The following MEI4 variants were observed in gnomAD, a reference collection of about 807,000 sequenced individuals.
MEI4 encodes the protein meiotic double-stranded break formation protein 4, also known as meiosis-specific protein MEI4.
In MEI4, 27 loss-of-function variants were observed where a neutral mutation model predicts 31.4. The ratio of observed to expected loss-of-function variants is 0.86; its 90% CI spans 0.63 to 1.19. The LOEUF is 1.19. MEI4 is among the 50% of genes most tolerant of loss of function. The pLI, the probability that MEI4 is intolerant of heterozygous loss-of-function variation, is 0.00. For missense variants in MEI4, 329 were observed against 398.9 expected (o/e 0.82, Z 1.49); for synonymous variants, 122 against 145.4 (o/e 0.84, Z 1.16).
intron 3 of MEI4, among the ~76,000 whole-genome samples, chr6:77,816,442 AACTTT>A (rs1769691693): frequency 6.6e-6 from 1 of 152,096 alleles, no homozygotes; most frequent in Non-Finnish European, 1.5e-5. Flanking sequence ...GTCATGTTGA[AACTTT>A]ACTTTTATTT....
intron 3 of MEI4, among the ~76,000 whole-genome samples, chr6:77,791,231 C>A (rs572308148): frequency 6.6e-6 from 1 of 152,086 alleles, no homozygotes; most frequent in Admixed American, 6.6e-5. Flanking sequence ...CACATGCACA[C>A]GTATGTTTAT....
intron 3 of MEI4, among the ~76,000 whole-genome samples, chr6:77,799,369 G>A (rs1388778569): frequency 6.6e-6 from 1 of 152,098 alleles, no homozygotes; most frequent in Non-Finnish European, 1.5e-5. Context: ...ATTTGTTTGA[G>A]TTCATTGTAG....
chr6:77,811,802 A>T (rs571938406), intron 3 of MEI4, among the ~76,000 whole-genome samples: 5 of 151,918 alleles, frequency 3.3e-5, no homozygotes, highest in African/African-American at 4.8e-5. Context: ...GATACTTTTG[A>T]TACATATTAA....
At chr6:77,897,035 C>T (rs80096703) in intron 4 of MEI4, among the ~76,000 whole-genome samples, 1 of 151,976 alleles carries the variant, frequency 6.6e-6, no homozygotes, top group African/African-American at 2.4e-5. Context: ...CTCCCAGCAT[C>T]CCAATAGAGG....
intron 3 of MEI4, among the ~76,000 whole-genome samples, chr6:77,766,743 T>C (rs533454869): frequency 1.3e-5 from 2 of 152,186 alleles, no homozygotes; most frequent in South Asian, 4.1e-4. Context: ...CGAAATCAGT[T>C]TTGTTTTTTT....
intron 4 of MEI4, among the ~76,000 whole-genome samples, chr6:77,880,859 A>T (rs1482474630): frequency 1.3e-5 from 2 of 152,110 alleles, no homozygotes; most frequent in East Asian, 1.9e-4. Context: ...TATTCACCTC[A>T]GTGAAGTAGT....
At chr6:77,733,094 TG>T (rs1767061346) in intron 2 of MEI4, among the ~76,000 whole-genome samples, 1 of 151,898 alleles carries the variant, frequency 6.6e-6, no homozygotes, top group African/African-American at 2.4e-5. Flanking sequence ...TTCTCTTTTT[TG>T]GTTGTGTCTC....
At chr6:77,812,036 C>G (rs1326124744) in intron 3 of MEI4, among the ~76,000 whole-genome samples, 1 of 151,964 alleles carries the variant, frequency 6.6e-6, no homozygotes, top group African/African-American at 2.4e-5. Flanking sequence ...TGGAAATAAA[C>G]CTTATTTCTG....
At chr6:77,761,764 A>T (rs962197107) in intron 3 of MEI4, 99 bp downstream of exon 3, 11 of 805,754 alleles carry the variant, frequency 1.4e-5, no homozygotes, top group Non-Finnish European at 1.8e-5. Context: ...TTGTGGCTCA[A>T]GGAATCCCTT....
intron 1 of MEI4, among the ~76,000 whole-genome samples, chr6:77,688,456 T>C (rs1769096819): frequency 6.6e-6 from 1 of 152,148 alleles, no homozygotes; most frequent in South Asian, 2.1e-4. Context: ...ATAAGAATTT[T>C]ATAATTTGAT....
intron 1 of MEI4, among the ~76,000 whole-genome samples, chr6:77,660,523 G>C (rs1405918181): frequency 6.6e-6 from 1 of 151,810 alleles, no homozygotes; most frequent in Non-Finnish European, 1.5e-5. Flanking sequence ...GAGTATGACC[G>C]GACAGAAGAT....
At chr6:77,905,138 G>C (rs1388063079) in intron 4 of MEI4, among the ~76,000 whole-genome samples, 1 of 151,828 alleles carries the variant, frequency 6.6e-6, no homozygotes, top group Non-Finnish European at 1.5e-5. Flanking sequence ...ATTCATTTCT[G>C]AAAGACCGCT....
intron 4 of MEI4, among the ~76,000 whole-genome samples, chr6:77,864,890 C>G (rs1181832488): frequency 6.6e-6 from 1 of 152,056 alleles, no homozygotes; most frequent in Non-Finnish European, 1.5e-5. Context: ...TCTCTCAGAC[C>G]ACAGTGCAAT....
At chr6:77,684,534 C>T (rs1028270479) in intron 1 of MEI4, among the ~76,000 whole-genome samples, 2 of 152,036 alleles carry the variant, frequency 1.3e-5, no homozygotes, top group African/African-American at 2.4e-5. Context: ...AACCATCCTT[C>T]TACTCTCTAT....
chr6:77,792,829 C>T (rs1768973771), intron 3 of MEI4, among the ~76,000 whole-genome samples: 1 of 151,972 alleles, frequency 6.6e-6, no homozygotes, highest in South Asian at 2.1e-4. Context: ...TCTCCTGCCT[C>T]AGCCTCCCGA....
chr6:77,746,618 C>T (rs561632302), intron 2 of MEI4, among the ~76,000 whole-genome samples: 2 of 149,690 alleles, frequency 1.3e-5, no homozygotes, highest in Non-Finnish European at 3.0e-5. Context: ...TTGCTTAAGT[C>T]AGTTTCTTAA....
rs1766755277 is a variant in MEI4 at position 77,923,322 on chromosome 6, A to G, written c.1134A>G (p.Ala378=). 8.1e-7 allele frequency: 1 copy of G among 1,229,848 alleles called. No individual in the cohort carries two copies. The highest frequency in any genetic ancestry group is 1.6e-5 in the African/African-American group (1 of 64,234). 76.2% of individuals were successfully genotyped at this position (1,229,848 alleles called of 1,614,324 possible). ...GAGTGGGCATTCTTTTGAGCTCAGC[A>G]CAGATAGAAACTCTTAGAAAATAAC... ...LWRVGILLSS[A]QIETLRK is the part of the protein sequence containing the mutation. The change falls in exon 5 of 5, where the codon GCA becomes GCG. Residue 378 remains alanine (A), a synonymous_variant. Coordinates refer to ENST00000684080, the MANE Select transcript of MEI4 (RefSeq NM_001322247.2).
intron 4 of MEI4, among the ~76,000 whole-genome samples, chr6:77,879,305 G>A (rs77273196): frequency 0.012 from 1,882 of 152,154 alleles, 47 homozygotes; most frequent in African/African-American, 0.043. Flanking sequence ...ACTGAGTCAA[G>A]CATCGAGAAT....
intron 3 of MEI4, among the ~76,000 whole-genome samples, chr6:77,801,124 G>A (rs866052784): frequency 1.4e-4 from 21 of 152,248 alleles, no homozygotes; most frequent in Middle Eastern, 3.4e-3. Context: ...TGTGGTCCTG[G>A]ACTTTTGTTG....
Sources: allele counts gnomAD v4.1 joint callset (sites outside exome capture counted in the v4.1 genomes callset), GRCh38; gene constraint gnomAD v4.1.1; transcripts MANE v1.5; gene names NCBI Gene and HGNC (gene_info 2026-07-23, HGNC 2026-07-21).